The following SYN3 variants were observed in gnomAD, a reference collection of about 807,000 sequenced individuals.
SYN3 encodes the protein synapsin III.
SYN3 carries 35 observed loss-of-function variants against 65.8 expected under a neutral mutation model. The ratio of observed to expected loss-of-function variants is 0.53; its 90% confidence interval spans 0.41 to 0.70. The LOEUF is 0.70. Ranked by LOEUF, SYN3 falls within the 30% of genes least tolerant of loss-of-function variation. The pLI is 0.00. For synonymous variants in SYN3, 270 were observed against 292.9 expected, an observed-to-expected ratio of 0.92 and a Z score of 0.80; for missense variants, 680 against 749.0, an observed-to-expected ratio of 0.91 and a Z score of 1.08.
At chr22:33,052,150 C>T (rs9621622) in intron 1 of SYN3, among the ~76,000 whole-genome samples, 12,581 of 152,206 alleles carry the variant, frequency 0.083, 1,584 homozygotes, top group African/African-American at 0.27. Context: ...GACCTTCAGT[C>T]TAGAGCTAGT....
At chr22:32,612,408 T>G (rs1328949558) in intron 6 of SYN3, among the ~76,000 whole-genome samples, 1 of 152,178 alleles carries the variant, frequency 6.6e-6, no homozygotes, top group Non-Finnish European at 1.5e-5. Flanking sequence ...GTGTCAGAAT[T>G]GAATTCAATT....
intron 6 of SYN3, among the ~76,000 whole-genome samples, chr22:32,747,689 T>C (rs139743345): frequency 5.3e-5 from 8 of 152,266 alleles, no homozygotes; most frequent in East Asian, 3.9e-4. Context: ...CCACCCACCA[T>C]GCTGCTAAGA....
intron 6 of SYN3, among the ~76,000 whole-genome samples, chr22:32,668,568 TC>T (rs1206646992): frequency 6.6e-6 from 1 of 151,572 alleles, no homozygotes; most frequent in Non-Finnish European, 1.5e-5. Flanking sequence ...CTTCCTCCAC[TC>T]CTGCCTTCCC....
At chr22:32,743,480 T>C (rs1262046923) in intron 6 of SYN3, among the ~76,000 whole-genome samples, 2 of 151,868 alleles carry the variant, frequency 1.3e-5, no homozygotes, top group Admixed American at 1.3e-4. Context: ...GGAGGGAGCA[T>C]TAGGGAGAGA....
intron 2 of SYN3, among the ~76,000 whole-genome samples, chr22:32,991,712 AC>A (rs1417623227): frequency 1.3e-5 from 2 of 151,966 alleles, no homozygotes; most frequent in African/African-American, 4.8e-5. Context: ...TGCACAGACA[AC>A]CCCTAATTTC....
Position 32,695,744 on chromosome 22 carries a change from C to T in SYN3, c.712-99008G>A, listed in dbSNP as rs139932163. 6.1e-3 allele frequency among the ~76,000 whole-genome samples: 925 copies of T among 152,308 alleles called. 3 individuals carry two copies. The highest frequency in any genetic ancestry group is 0.01 in the Non-Finnish European group (696 of 68,018). On this transcript the variant is annotated intron_variant, in intron 6 of 13. Transcript: ENST00000358763. ...TACTGGCTATCCACATAGTGCCTTC[C>T]TATCCACAGCCCTGTCTCCCTTGCC... is the stretch of plus-strand genomic sequence containing the variant.
intron 6 of SYN3, among the ~76,000 whole-genome samples, chr22:32,647,406 T>A (rs2059998583): frequency 6.6e-6 from 1 of 152,200 alleles, no homozygotes. Flanking sequence ...CTGAGAAAGT[T>A]ATTTCCTTTT....
intron 2 of SYN3, among the ~76,000 whole-genome samples, chr22:33,003,995 T>G (rs1601885438): frequency 6.6e-6 from 1 of 152,158 alleles, no homozygotes; most frequent in Non-Finnish European, 1.5e-5. Context: ...CTTCAGAGGG[T>G]GCAAGCCCCA....
intron 6 of SYN3, among the ~76,000 whole-genome samples, chr22:32,652,000 C>T (rs971248579): frequency 3.3e-5 from 5 of 152,154 alleles, no homozygotes; most frequent in African/African-American, 4.8e-5. Context: ...CTATCCAAAA[C>T]GTTAATAGTG....
At chr22:32,948,049 T>C (rs1019328510) in intron 3 of SYN3, among the ~76,000 whole-genome samples, 1 of 152,200 alleles carries the variant, frequency 6.6e-6, no homozygotes, top group Non-Finnish European at 1.5e-5. Context: ...CCTTATGACG[T>C]TGTACTCCCA....
In SYN3 at chr22:32,564,063, A is replaced by G. The variant is rs1049484618; in HGVS notation, c.775-22350T>C. Among the ~76,000 whole-genome samples, 10 of 152,152 alleles carry G rather than the reference A, an allele frequency of 6.6e-5. No homozygotes were observed. The East Asian group carries it at 9.6e-4, about 15-fold the overall frequency. The stretch of plus-strand genomic sequence containing the variant: ...GAGGGGCCAGCTGGGGGGCCACGCA[A>G]TCCTTAGGCAGTGATTGTTGCAGTT... On this transcript the variant is annotated intron_variant, in intron 7 of 13. Transcript: ENST00000358763.
intron 6 of SYN3, among the ~76,000 whole-genome samples, chr22:32,673,692 G>A (rs1250169650): frequency 3.9e-5 from 6 of 152,166 alleles, no homozygotes; most frequent in Non-Finnish European, 8.8e-5. Context: ...GGATGAAGGA[G>A]GGGCAGAGGG....
At chr22:32,757,609 A>T (rs925615436) in intron 6 of SYN3, among the ~76,000 whole-genome samples, 1 of 151,938 alleles carries the variant, frequency 6.6e-6, no homozygotes, top group Non-Finnish European at 1.5e-5. Flanking sequence ...GGCTCCTCCT[A>T]CCTTTAAGTC....
At chr22:32,802,509 G>GT (rs988635544) in intron 6 of SYN3, among the ~76,000 whole-genome samples, 5 of 147,828 alleles carry the variant, frequency 3.4e-5, no homozygotes, top group African/African-American at 1.3e-4. Flanking sequence ...AAATTGAATA[G>GT]TTAAAAAAAA....
chr22:32,648,831 A>G lies in SYN3; in HGVS notation c.712-52095T>C, dbSNP rs149041543. ...TTATGATTTTTGTTGTTGTCCAAGAAGCACCTCTTTTACTCTGAGGTGCCA... is the reference window on the plus strand; with the variant it reads ...TTATGATTTTTGTTGTTGTCCAAGAGGCACCTCTTTTACTCTGAGGTGCCA... On this transcript the variant is annotated intron_variant, in intron 6 of 13. Coordinates refer to ENST00000358763, the MANE Select transcript of SYN3 (RefSeq NM_003490.4). 2.8e-3 allele frequency among the ~76,000 whole-genome samples: 420 copies of G among 152,330 alleles called. 2 individuals are homozygous for G. Among genetic ancestry groups the G allele is most frequent in the African/African-American group, 9.4e-3 (390 of 41,578 alleles).
At chr22:32,581,591 T>A (rs182174270) in intron 7 of SYN3, among the ~76,000 whole-genome samples, 63 of 152,302 alleles carry the variant, frequency 4.1e-4, no homozygotes, top group African/African-American at 1.3e-3. Context: ...AAATTCAGTG[T>A]CTTCTGTCTG....
intron 6 of SYN3, among the ~76,000 whole-genome samples, chr22:32,657,769 T>C (rs1036312465): frequency 6.6e-6 from 1 of 152,144 alleles, no homozygotes; most frequent in African/African-American, 2.4e-5. Flanking sequence ...CAGCCCCTCC[T>C]CAATGCATGC....
At chr22:32,968,906 G>A (rs183533072) in intron 3 of SYN3, among the ~76,000 whole-genome samples, 8 of 152,300 alleles carry the variant, frequency 5.3e-5, no homozygotes, top group East Asian at 3.9e-4. Context: ...GCAGGTGCTC[G>A]GTGAGTGCTT....
chr22:32,749,812 C>T (rs1245194524), intron 6 of SYN3, among the ~76,000 whole-genome samples: 4 of 152,174 alleles, frequency 2.6e-5, no homozygotes, highest in Non-Finnish European at 5.9e-5. Flanking sequence ...AGAGACTGAA[C>T]TGTGGTTGGA....
Sources: gnomAD v4.1 joint callset for allele counts (sites outside exome capture counted in the v4.1 genomes callset) on GRCh38, gnomAD v4.1.1 for gene constraint, MANE v1.5 for transcripts, NCBI Gene and HGNC (gene_info 2026-07-23, HGNC 2026-07-21) for gene names.